The following NPAS3 variants were observed in gnomAD, a reference collection of about 807,000 sequenced individuals.
NPAS3 encodes the protein neuronal PAS domain protein 3.
Under a neutral mutation model 73.1 loss-of-function variants are expected in NPAS3, and 14 were observed. The observed-to-expected ratio is 0.19, with a 90% CI of 0.13 to 0.30. NPAS3 has a LOEUF of 0.30. Among genes scored for constraint, NPAS3 ranks in the 10% least tolerant of loss-of-function variants. The pLI, the probability that NPAS3 is intolerant of heterozygous loss-of-function variation, is 1.00. For synonymous variants in NPAS3, 620 were observed against 541.5 expected (o/e 1.14, Z -2.01); for missense variants, 1,096 against 1,250.0 (o/e 0.88, Z 1.86).
intron 5 of NPAS3, among the ~76,000 whole-genome samples, chr14:33,660,844 A>G (rs1025158085): frequency 6.6e-6 from 1 of 152,212 alleles, no homozygotes; most frequent in African/African-American, 2.4e-5. Flanking sequence ...TCTCGAAGGC[A>G]ATCAATACCA....
intron 6 of NPAS3, among the ~76,000 whole-genome samples, chr14:33,677,976 C>T (rs780419436): frequency 1.3e-5 from 2 of 152,138 alleles, no homozygotes; most frequent in Non-Finnish European, 2.9e-5. Flanking sequence ...CTCTTTCATC[C>T]TGATGTTGGA....
At chr14:33,118,010 T>C (rs2043120596) in intron 2 of NPAS3, among the ~76,000 whole-genome samples, 1 of 152,110 alleles carries the variant, frequency 6.6e-6, no homozygotes, top group African/African-American at 2.4e-5. Context: ...CATTATTTCA[T>C]CAAGGTCAAT....
At chr14:33,205,946 G>C (rs536669318) in intron 2 of NPAS3, among the ~76,000 whole-genome samples, 7 of 152,116 alleles carry the variant, frequency 4.6e-5, no homozygotes, top group African/African-American at 1.4e-4. Context: ...TAGAAAGGTC[G>C]TTTGAATTTG....
chr14:33,121,522 A>G (rs1159713682), intron 2 of NPAS3, among the ~76,000 whole-genome samples: 1 of 152,190 alleles, frequency 6.6e-6, no homozygotes, highest in African/African-American at 2.4e-5. Context: ...GTTAGCCTAT[A>G]GCAGGTGCTT....
chr14:33,618,046 G>T (rs1193064557), intron 5 of NPAS3, among the ~76,000 whole-genome samples: 1 of 152,080 alleles, frequency 6.6e-6, no homozygotes, highest in Non-Finnish European at 1.5e-5. Flanking sequence ...TGAAATCCTT[G>T]GATCAATTAT....
chr14:33,673,910 T>C (rs996005157), intron 5 of NPAS3, among the ~76,000 whole-genome samples: 12 of 152,246 alleles, frequency 7.9e-5, no homozygotes, highest in African/African-American at 2.9e-4. Context: ...TCCTCCACAC[T>C]GTGCAGCCTT....
At chr14:33,055,935 A>G in exon 2 of NPAS3, 1 of 810,322 alleles carries the variant, frequency 1.2e-6, no homozygotes, top group South Asian at 1.4e-5. Flanking sequence ...TGCCCAACCA[A>G]TCAGAATGTA....
In NPAS3 at chr14:33,684,831, A is replaced by AGTCT. The variant is rs2060042874; in HGVS notation, c.733+8447_733+8450dup. The stretch of plus-strand genomic sequence containing the variant: ...CTCCAGGCTCCTTCCTTTCAGAGCC[A>AGTCT]GTCTTCCAAGGCAGGTGTGAGATGA... On this transcript the variant is annotated intron_variant, in intron 6 of 11. Transcript: ENST00000356141. Among the ~76,000 whole-genome samples, 5 of 152,268 alleles carry AGTCT rather than the reference A, an allele frequency of 3.3e-5. No individual in the cohort carries two copies. In the South Asian group the frequency reaches 1.0e-3, roughly 32 times the overall value.
intron 3 of NPAS3, among the ~76,000 whole-genome samples, chr14:33,322,277 C>G (rs1002272767): frequency 3.9e-5 from 6 of 152,170 alleles, no homozygotes; most frequent in Non-Finnish European, 8.8e-5. Flanking sequence ...CCCATTGCCT[C>G]CGTCAGTATC....
intron 2 of NPAS3, among the ~76,000 whole-genome samples, chr14:33,133,881 A>C (rs1326830664): frequency 6.6e-6 from 1 of 152,186 alleles, no homozygotes; most frequent in African/African-American, 2.4e-5. Flanking sequence ...AATTTCTTGG[A>C]TTGTGGTCCA....
intron 5 of NPAS3, among the ~76,000 whole-genome samples, chr14:33,599,312 AT>A (rs1246701951): frequency 2.6e-5 from 4 of 152,218 alleles, no homozygotes; most frequent in African/African-American, 9.6e-5. Flanking sequence ...TAATTTAATC[AT>A]TTTATTGCTA....
chr14:33,802,400 AAAG>A (rs1765104540), downstream of NPAS3: 7 of 151,496 alleles, frequency 4.6e-5, no homozygotes, highest in Non-Finnish European at 8.8e-5. Flanking sequence ...AAGAAAAAAA[AAAG>A]AAAAAGAAAA....
chr14:33,307,288 C>A (rs898578695), intron 3 of NPAS3, among the ~76,000 whole-genome samples: 1 of 152,054 alleles, frequency 6.6e-6, no homozygotes, highest in African/African-American at 2.4e-5. Flanking sequence ...TCCTCTTTGC[C>A]AGAGAATTTA....
intron 2 of NPAS3, among the ~76,000 whole-genome samples, chr14:33,098,630 A>G (rs548066309): frequency 1.6e-4 from 24 of 152,338 alleles, no homozygotes; most frequent in African/African-American, 5.1e-4. Flanking sequence ...TCATCTAAGA[A>G]TGCTACCAAA....
chr14:32,982,879 C>T (rs570996467), intron 1 of NPAS3, among the ~76,000 whole-genome samples: 3 of 152,138 alleles, frequency 2.0e-5, no homozygotes, highest in Non-Finnish European at 2.9e-5. Flanking sequence ...CTGTAGGTAA[C>T]TTGCAGTTTT....
At chr14:33,180,816 A>C (rs2045771147) in intron 2 of NPAS3, among the ~76,000 whole-genome samples, 1 of 151,274 alleles carries the variant, frequency 6.6e-6, no homozygotes, top group African/African-American at 2.4e-5. Context: ...AAAAAAAAAA[A>C]AAAAAAAAAG....
intron 1 of NPAS3, among the ~76,000 whole-genome samples, chr14:33,024,558 C>T (rs1368080307): frequency 6.6e-6 from 1 of 152,078 alleles, no homozygotes; most frequent in Non-Finnish European, 1.5e-5. Flanking sequence ...ATAAGAAGAC[C>T]TTTGATTAAT....
At chr14:32,967,799 G>A (rs186692270) in intron 1 of NPAS3, among the ~76,000 whole-genome samples, 3 of 151,810 alleles carry the variant, frequency 2.0e-5, no homozygotes, top group Non-Finnish European at 4.4e-5. Context: ...AATAAAAAAC[G>A]GTAGTATCAT....
intron 7 of NPAS3, among the ~76,000 whole-genome samples, chr14:33,751,021 G>T (rs1302597680): frequency 1.3e-5 from 2 of 152,116 alleles, no homozygotes; most frequent in African/African-American, 4.8e-5. Flanking sequence ...AGAGATGAAG[G>T]CATCAAGTGT....
Sources: gnomAD v4.1 joint callset for allele counts (sites outside exome capture counted in the v4.1 genomes callset) on GRCh38, gnomAD v4.1.1 for gene constraint, MANE v1.5 for transcripts, NCBI Gene and HGNC (gene_info 2026-07-23, HGNC 2026-07-21) for gene names.